KCNN2: variants seen among roughly 807,000 people sequenced by gnomAD.
KCNN2 encodes the protein potassium calcium-activated channel subfamily N member 2.
KCNN2 carries 24 observed loss-of-function variants against 55.5 expected under a neutral mutation model. That is an observed-to-expected ratio of 0.43 (90% confidence interval 0.31 to 0.61). The LOEUF (loss-of-function observed/expected upper bound fraction) is 0.61. KCNN2 is among the 20% of genes least tolerant of loss of function. The pLI is 0.08. For missense variants in KCNN2, 754 were observed against 853.6 expected, an observed-to-expected ratio of 0.88 and a Z score of 1.45; for synonymous variants, 431 against 336.1, an observed-to-expected ratio of 1.28 and a Z score of -3.09.
chr5:114,157,063 G>T (rs1427228579), intron 1 of KCNN2, among the ~76,000 whole-genome samples: 1 of 151,396 alleles, frequency 6.6e-6, no homozygotes, highest in Non-Finnish European at 1.5e-5. Flanking sequence ...GTGCAGGTTT[G>T]TTACATATGT....
At chr5:114,261,961 G>A (rs995758322) in intron 2 of KCNN2, among the ~76,000 whole-genome samples, 2 of 152,098 alleles carry the variant, frequency 1.3e-5, no homozygotes, top group Non-Finnish European at 2.9e-5. Flanking sequence ...GGAAAACTAG[G>A]GGAGGCTAGT....
At position 114,495,875 on chromosome 5, in the gene KCNN2, T is replaced by A; in HGVS notation, c.2089-20T>A. On this transcript the variant is annotated intron_variant, in intron 7 of 7. Coordinates refer to ENST00000673685, the MANE Select transcript of KCNN2 (RefSeq NM_021614.4). ...TTCAGGGCAAGTATAATTAACCTTC[T>A]TCTCAATCCTGTTTTTCAGACCCAG... 9 of 1,606,456 alleles carry A rather than the reference T, an allele frequency of 5.6e-6. No homozygotes were observed. Among genetic ancestry groups the A allele is most frequent in the Non-Finnish European group, 7.7e-6 (9 of 1,174,796 alleles).
At chr5:114,267,523 A>G (rs917182917) in intron 2 of KCNN2, among the ~76,000 whole-genome samples, 3 of 152,010 alleles carry the variant, frequency 2.0e-5, no homozygotes, top group Non-Finnish European at 2.9e-5. Context: ...GGCCAGAGCC[A>G]GAGAACAGTA....
intron 1 of KCNN2, among the ~76,000 whole-genome samples, chr5:114,103,711 A>C (rs777440639): frequency 4.3e-4 from 66 of 151,914 alleles, no homozygotes; most frequent in Non-Finnish European, 8.5e-4. Context: ...GTTTCTGTTT[A>C]TGTGATGGAT....
At chr5:114,150,809 G>A (rs542489786) in intron 1 of KCNN2, among the ~76,000 whole-genome samples, 63 of 152,272 alleles carry the variant, frequency 4.1e-4, no homozygotes, top group Non-Finnish European at 7.4e-4. Context: ...ATCACCTCGG[G>A]TTGGGAGTTC....
At chr5:114,413,013 A>T (rs988288406) in intron 3 of KCNN2, among the ~76,000 whole-genome samples, 7 of 152,182 alleles carry the variant, frequency 4.6e-5, no homozygotes, top group African/African-American at 1.7e-4. Flanking sequence ...TGTACTTCCA[A>T]GTTGGTCTGA....
intron 3 of KCNN2, among the ~76,000 whole-genome samples, chr5:114,428,242 G>A (rs1759685754): frequency 6.6e-6 from 1 of 152,074 alleles, no homozygotes; most frequent in Admixed American, 6.5e-5. Context: ...TTTATGAAGA[G>A]TTTCTCATTA....
chr5:114,365,742 C>T (rs534733578), intron 2 of KCNN2, among the ~76,000 whole-genome samples: 2 of 152,326 alleles, frequency 1.3e-5, no homozygotes, highest in African/African-American at 4.8e-5. Context: ...CTTAAAAGAT[C>T]ATTCCAAAAT....
At chr5:114,146,821 C>T (rs1016691798) in intron 1 of KCNN2, among the ~76,000 whole-genome samples, 1 of 152,126 alleles carries the variant, frequency 6.6e-6, no homozygotes, top group African/African-American at 2.4e-5. Context: ...ACTAGAATAT[C>T]AACTTTATGA....
chr5:114,322,975 T>C (rs1408969521), intron 2 of KCNN2, among the ~76,000 whole-genome samples: 1 of 152,218 alleles, frequency 6.6e-6, no homozygotes, highest in African/African-American at 2.4e-5. Context: ...CCCCGTCAAG[T>C]AGACTCCAGT....
At chr5:114,120,959 T>G (rs1236445896) in intron 1 of KCNN2, among the ~76,000 whole-genome samples, 3 of 152,190 alleles carry the variant, frequency 2.0e-5, no homozygotes, top group Non-Finnish European at 4.4e-5. Flanking sequence ...CCTGGGCAAA[T>G]GGGGCCTCTG....
chr5:114,213,754 C>T (rs566753730), intron 1 of KCNN2, among the ~76,000 whole-genome samples: 1 of 152,076 alleles, frequency 6.6e-6, no homozygotes, highest in East Asian at 1.9e-4. Context: ...CTCTTTGTCT[C>T]CATGGTAGCT....
intron 7 of KCNN2, 66 bp downstream of exon 7, chr5:114,493,538 T>C (rs1747965984): frequency 9.2e-7 from 1 of 1,091,510 alleles, no homozygotes; most frequent in Non-Finnish European, 1.4e-6. Context: ...CAGTCACTAA[T>C]CATGAATGTT....
chr5:114,085,536 T>G (rs1366950173), intron 1 of KCNN2, among the ~76,000 whole-genome samples: 1 of 152,040 alleles, frequency 6.6e-6, no homozygotes, highest in South Asian at 2.1e-4. Flanking sequence ...TATATAACCT[T>G]ATATCTACAA....
intron 2 of KCNN2, among the ~76,000 whole-genome samples, chr5:114,285,721 A>G (rs979143783): frequency 2.0e-5 from 3 of 152,298 alleles, no homozygotes; most frequent in Admixed American, 2.0e-4. Context: ...CAGGTAACAG[A>G]TGATGATGCT....
intron 2 of KCNN2, among the ~76,000 whole-genome samples, chr5:114,339,846 TA>T: frequency 6.6e-6 from 1 of 151,444 alleles, no homozygotes; most frequent in South Asian, 2.1e-4. Context: ...AATAAATAAA[TA>T]AAAATGCATG....
intron 1 of KCNN2, among the ~76,000 whole-genome samples, chr5:114,117,947 TG>T (rs1295147166): frequency 6.6e-6 from 1 of 152,116 alleles, no homozygotes; most frequent in East Asian, 1.9e-4. Flanking sequence ...GGAGGTGAAC[TG>T]GTTTGCCACA....
chr5:114,249,375 C>T (rs1754813610), intron 2 of KCNN2, among the ~76,000 whole-genome samples: 1 of 151,392 alleles, frequency 6.6e-6, no homozygotes, highest in East Asian at 1.9e-4. Flanking sequence ...ACAACCTCCA[C>T]CTCTCGGGTT....
chr5:114,103,273 A>G (rs968646502), intron 1 of KCNN2, among the ~76,000 whole-genome samples: 2 of 152,108 alleles, frequency 1.3e-5, no homozygotes, highest in Non-Finnish European at 1.5e-5. Flanking sequence ...TGATTTTTGC[A>G]AATTGTATCC....
Sources: allele counts gnomAD v4.1 joint callset (sites outside exome capture counted in the v4.1 genomes callset), GRCh38; gene constraint gnomAD v4.1.1; transcripts MANE v1.5; gene names NCBI Gene and HGNC (gene_info 2026-07-23, HGNC 2026-07-21).